Variants in PEAK1 observed in about 807,000 individuals in gnomAD.
PEAK1 encodes the protein pseudopodium enriched atypical kinase 1, also known as inactive tyrosine-protein kinase PEAK1.
Under a neutral mutation model 124.7 loss-of-function variants are expected in PEAK1, and 54 were observed. That is an observed-to-expected ratio of 0.43 (90% CI 0.35 to 0.54). The LOEUF (loss-of-function observed/expected upper bound fraction) is 0.54. Among genes scored for constraint, PEAK1 ranks in the 20% least tolerant of loss-of-function variants. The pLI, the probability that PEAK1 is intolerant of heterozygous loss-of-function variation, is 0.01. For synonymous variants in PEAK1, 719 were observed against 760.0 expected (o/e 0.95, Z 0.89); for missense variants, 2,046 against 2,134.5 (o/e 0.96, Z 0.82).
chr15:77,158,524 T>C lies in PEAK1; in HGVS notation c.3310A>G (p.Ser1104Gly). 1 of 1,614,180 alleles carries C rather than the reference T, an allele frequency of 6.2e-7. No homozygotes were observed. The highest frequency in any genetic ancestry group is 8.5e-7 in the Non-Finnish European group (1 of 1,179,974). ...TTACCTAAGTTGCTGTATGTTGCAC[T>C]ACAAGGGTTCGGGTCCATAGGATCT... ...ISDPMDPNPC[S>G]ATYSNLGQSR... The change falls in exon 8 of 10, where the codon AGT becomes GGT. Residue 1104 changes from serine to glycine, a missense_variant. Coordinates refer to ENST00000682557, the MANE Select transcript of PEAK1 (RefSeq NM_001385026.1).
chr15:77,133,544 G>A lies in PEAK1; in HGVS notation c.3538C>T (p.Leu1180Phe). ...TAGGTGGGATTAGCCATGACACAAA[G>A]ACTACTTTCCATGGATTTTTGGAGG... ...KDLQKSMESS[L>F]CVMANPTYDI... The change falls in exon 9 of 10, where the codon CTT becomes TTT. Residue 1180 changes from leucine to phenylalanine, a missense_variant. Physicochemically the swap from Leu to Phe is conservative, Grantham distance 22. Coordinates refer to ENST00000682557, the MANE Select transcript of PEAK1 (RefSeq NM_001385026.1). The surrounding 1 kb of genome is among the most constrained non-coding windows in gnomAD (Gnocchi z 4.2). 6.2e-7 allele frequency: 1 copy of A among 1,614,204 alleles called. No individual in the cohort carries two copies. Among genetic ancestry groups the A allele is most frequent in the Non-Finnish European group, 8.5e-7 (1 of 1,180,044 alleles).
Position 77,179,430 on chromosome 15 carries a change from G to C in PEAK1, c.2497C>G (p.Gln833Glu). 6.2e-7 allele frequency: 1 copy of C among 1,614,152 alleles called. No individual in the cohort carries two copies. The highest frequency in any genetic ancestry group is 1.1e-5 in the South Asian group (1 of 91,078). ...TTGGTGGTAGGACTGTCTGTGGTCT[G>C]AGGTGCTTCAGCCTCACCACTAGGC... ...SQPSGEAEAP[Q>E]TTDSPTTKVQ... The change falls in exon 7 of 10, where the codon CAG becomes GAG. Residue 833 changes from glutamine (Q) to glutamate (E), a missense_variant. Coordinates refer to ENST00000682557, the MANE Select transcript of PEAK1 (RefSeq NM_001385026.1).
At chr15:77,362,698 A>C (rs2067970206) in intron 2 of PEAK1, among the ~76,000 whole-genome samples, 1 of 152,206 alleles carries the variant, frequency 6.6e-6, no homozygotes. Flanking sequence ...TCCACACAAA[A>C]ACTTATACAC....
intron 2 of PEAK1, among the ~76,000 whole-genome samples, chr15:77,318,640 AT>A (rs2065016700): frequency 6.6e-6 from 1 of 152,034 alleles, no homozygotes; most frequent in Non-Finnish European, 1.5e-5. Context: ...ATAAGTTATA[AT>A]TTATTAGTCA....
chr15:77,284,062 A>G (rs1277597281), intron 4 of PEAK1, 32 bp from the exon 5 acceptor site: 2 of 981,690 alleles, frequency 2.0e-6, no homozygotes, highest in Non-Finnish European at 2.4e-6. Flanking sequence ...AACTTGGTTG[A>G]GAGTCACAGA....
chr15:77,175,571 T>A (rs2056808129), intron 7 of PEAK1, among the ~76,000 whole-genome samples: 1 of 152,026 alleles, frequency 6.6e-6, no homozygotes. Context: ...TCACACCAGT[T>A]AGAATGGTGA....
rs534263230 is a variant in PEAK1 at position 77,121,919 on chromosome 15, C to A, written c.4078-6600G>T. Among the ~76,000 whole-genome samples the A allele has an allele frequency of 5.3e-5, 8 of 152,266 alleles. No individual in the cohort carries two copies. The South Asian group carries it at 1.4e-3, about 28-fold the overall frequency. ...CATTTTGTCATATCACACAAAAGTA[C>A]AACTGCAAATGGGAGTGAGCATAGA... is the stretch of plus-strand genomic sequence containing the variant. On this transcript the variant is annotated intron_variant, in intron 9 of 9. Transcript: ENST00000682557.
chr15:77,118,394 T>C (rs1450188466), intron 9 of PEAK1, among the ~76,000 whole-genome samples: 1 of 152,122 alleles, frequency 6.6e-6, no homozygotes, highest in Non-Finnish European at 1.5e-5. Context: ...ATTGTAGCCA[T>C]TTTTCAAATA....
chr15:77,358,416 T>C (rs2067663725), intron 2 of PEAK1, among the ~76,000 whole-genome samples: 2 of 152,142 alleles, frequency 1.3e-5, no homozygotes, highest in African/African-American at 2.4e-5. Context: ...CCACTGCTAC[T>C]AAAAACAAAA....
At chr15:77,190,092 C>G (rs993774575) in intron 6 of PEAK1, among the ~76,000 whole-genome samples, 9 of 152,038 alleles carry the variant, frequency 5.9e-5, no homozygotes, top group Non-Finnish European at 1.3e-4. Flanking sequence ...TTTTTGGAGG[C>G]TTTATTGTCT....
intron 7 of PEAK1, among the ~76,000 whole-genome samples, chr15:77,168,843 A>G (rs2056309895): frequency 6.6e-6 from 1 of 152,330 alleles, no homozygotes; most frequent in South Asian, 2.1e-4. Context: ...TGTGCTAGAC[A>G]TAGTTGGATT....
chr15:77,312,358 C>T (rs569768736), intron 2 of PEAK1, among the ~76,000 whole-genome samples: 59 of 152,294 alleles, frequency 3.9e-4, no homozygotes, highest in African/African-American at 1.3e-3. Flanking sequence ...TCAGAGAGTA[C>T]GGAGCCAATA....
intron 6 of PEAK1, among the ~76,000 whole-genome samples, chr15:77,249,724 C>G (rs1243370472): frequency 6.6e-6 from 1 of 151,980 alleles, no homozygotes; most frequent in African/African-American, 2.4e-5. Flanking sequence ...ATATTATAAT[C>G]TTGAAAACAA....
chr15:77,232,165 TTA>T (rs1369681181), intron 6 of PEAK1, among the ~76,000 whole-genome samples: 2 of 152,152 alleles, frequency 1.3e-5, no homozygotes, highest in African/African-American at 2.4e-5. Flanking sequence ...ACTTCGCTCT[TTA>T]CCCATATTAA....
At chr15:77,335,362 C>G in intron 2 of PEAK1, 6 of 985,356 alleles carry the variant, frequency 6.1e-6, no homozygotes, top group Non-Finnish European at 7.2e-6. Flanking sequence ...TCCCATTCAT[C>G]TATGTATCTA....
intron 6 of PEAK1, among the ~76,000 whole-genome samples, chr15:77,221,456 T>C (rs372094713): frequency 1.3e-5 from 2 of 152,076 alleles, no homozygotes; most frequent in Admixed American, 6.6e-5. Flanking sequence ...TTTTGAAACA[T>C]AGGCTGGCTG....
chr15:77,148,644 T>C (rs2054343731), intron 8 of PEAK1, among the ~76,000 whole-genome samples: 1 of 152,114 alleles, frequency 6.6e-6, no homozygotes, highest in Non-Finnish European at 1.5e-5. Context: ...AAGCCAGGTA[T>C]GGTGGCTCAC....
intron 9 of PEAK1, among the ~76,000 whole-genome samples, chr15:77,120,946 G>T (rs2152722386): frequency 6.6e-6 from 1 of 152,212 alleles, no homozygotes; most frequent in Admixed American, 6.5e-5. Flanking sequence ...CCCTTCTCAG[G>T]CATTACTTTA....
At chr15:77,388,285 T>C (rs1476217266) in intron 1 of PEAK1, among the ~76,000 whole-genome samples, 1 of 152,178 alleles carries the variant, frequency 6.6e-6, no homozygotes, top group African/African-American at 2.4e-5. Context: ...AGTTTAAACA[T>C]GAAAATGTTT....
Sources: allele counts gnomAD v4.1 joint callset (sites outside exome capture counted in the v4.1 genomes callset), GRCh38; gene constraint gnomAD v4.1.1; non-coding constraint Gnocchi (gnomAD v3.1); transcripts MANE v1.5; gene names NCBI Gene and HGNC (gene_info 2026-07-23, HGNC 2026-07-21).